NOL4: variants seen among roughly 807,000 people sequenced by gnomAD.
NOL4 encodes the protein cancer/testis antigen 125.
NOL4 carries 17 observed loss-of-function variants against 75.9 expected under a neutral mutation model. The observed-to-expected ratio is 0.22, with a 90% CI of 0.15 to 0.34. NOL4 has a LOEUF of 0.34. NOL4 is among the 10% of genes least tolerant of loss of function. The pLI, the probability that NOL4 is intolerant of heterozygous loss-of-function variation, is 1.00. For missense variants in NOL4, 614 were observed against 793.5 expected (o/e 0.77, Z 2.72); for synonymous variants, 292 against 289.9 (o/e 1.01, Z -0.07).
chr18:34,048,590 G>T, intron 5 of NOL4: 2 of 985,382 alleles, frequency 2.0e-6, no homozygotes, highest in Non-Finnish European at 2.4e-6. Flanking sequence ...CCTCTGCACA[G>T]TAAGAGCTAA....
chr18:33,992,455 C>T (rs1443100931), intron 6 of NOL4, among the ~76,000 whole-genome samples: 1 of 151,940 alleles, frequency 6.6e-6, no homozygotes, highest in Non-Finnish European at 1.5e-5. Context: ...CTCTGGAAGT[C>T]ATCCTAAGGA....
intron 1 of NOL4, among the ~76,000 whole-genome samples, chr18:34,177,416 T>C (rs1025450849): frequency 3.9e-5 from 6 of 151,954 alleles, no homozygotes; most frequent in African/African-American, 9.7e-5. Context: ...ATGAAATATG[T>C]ACAATTTATT....
intron 5 of NOL4, among the ~76,000 whole-genome samples, chr18:34,028,318 CAG>C (rs2075454259): frequency 6.6e-6 from 1 of 152,234 alleles, no homozygotes; most frequent in Non-Finnish European, 1.5e-5. Flanking sequence ...GCACCTGATT[CAG>C]AGTGTTCACT....
chr18:34,187,449 T>C (rs1335392958), intron 1 of NOL4, among the ~76,000 whole-genome samples: 3 of 134,674 alleles, frequency 2.2e-5, no homozygotes, highest in Non-Finnish European at 4.6e-5. Flanking sequence ...GCATCTCCAC[T>C]CACCGCAAGC....
intron 9 of NOL4, among the ~76,000 whole-genome samples, chr18:33,889,937 A>G (rs972279935): frequency 6.6e-6 from 1 of 152,182 alleles, no homozygotes; most frequent in East Asian, 1.9e-4. Flanking sequence ...ATCATACTGA[A>G]TGGGCAAAAA....
At chr18:34,065,967 C>T (rs1481616933) in intron 5 of NOL4, among the ~76,000 whole-genome samples, 1 of 151,846 alleles carries the variant, frequency 6.6e-6, no homozygotes, top group Admixed American at 6.6e-5. Context: ...AGTTATTATA[C>T]TTTGAGAGGT....
intron 5 of NOL4, among the ~76,000 whole-genome samples, chr18:34,032,602 A>C (rs1237010897): frequency 1.3e-5 from 2 of 152,120 alleles, no homozygotes; most frequent in Non-Finnish European, 2.9e-5. Flanking sequence ...TCACAGTCCC[A>C]CTGCCAATAT....
At chr18:34,178,504 G>T (rs2033753203) in intron 1 of NOL4, among the ~76,000 whole-genome samples, 1 of 151,578 alleles carries the variant, frequency 6.6e-6, no homozygotes, top group African/African-American at 2.4e-5. Flanking sequence ...GAAAGTAAAA[G>T]GATGAAAACA....
chr18:33,961,808 T>A (rs544033696), intron 6 of NOL4, among the ~76,000 whole-genome samples: 1 of 151,930 alleles, frequency 6.6e-6, no homozygotes, highest in Admixed American at 6.6e-5. Flanking sequence ...GCAAAAGAAA[T>A]GAAAATGTTG....
At chr18:33,854,378 T>C (rs983223793) in intron 10 of NOL4, among the ~76,000 whole-genome samples, 2 of 152,080 alleles carry the variant, frequency 1.3e-5, no homozygotes, top group Non-Finnish European at 2.9e-5. Flanking sequence ...TATTTCCACT[T>C]CTGTAGTGGC....
At chr18:34,185,894 G>T (rs995121484) in intron 1 of NOL4, among the ~76,000 whole-genome samples, 1 of 152,086 alleles carries the variant, frequency 6.6e-6, no homozygotes, top group Non-Finnish European at 1.5e-5. Context: ...GAACATACAT[G>T]CAACAGCAAT....
intron 5 of NOL4, among the ~76,000 whole-genome samples, chr18:34,052,232 A>C (rs2076652561): frequency 6.6e-6 from 1 of 151,972 alleles, no homozygotes; most frequent in African/African-American, 2.4e-5. Context: ...ATGCTCAAAA[A>C]TATTCCTTTA....
chr18:33,870,531 TG>T (rs760033657), intron 10 of NOL4, among the ~76,000 whole-genome samples: 10 of 151,760 alleles, frequency 6.6e-5, no homozygotes, highest in South Asian at 6.3e-4. Context: ...ATGGACAGAG[TG>T]GTGCATGAAG....
intron 1 of NOL4, among the ~76,000 whole-genome samples, chr18:34,139,064 C>A (rs1040516967): frequency 4.4e-4 from 67 of 152,186 alleles, no homozygotes; most frequent in Non-Finnish European, 2.1e-4. Flanking sequence ...TGATGTGCTG[C>A]TGGATTTGAA....
At chr18:33,861,414 A>G (rs2144272593) in intron 10 of NOL4, among the ~76,000 whole-genome samples, 1 of 152,098 alleles carries the variant, frequency 6.6e-6, no homozygotes, top group South Asian at 2.1e-4. Context: ...TTTCAAGTTT[A>G]TTTGTGTAGA....
chr18:33,974,826 CA>C (rs2071365761), intron 6 of NOL4, among the ~76,000 whole-genome samples: 1 of 151,948 alleles, frequency 6.6e-6, no homozygotes, highest in Non-Finnish European at 1.5e-5. Context: ...TGCCTGTATC[CA>C]AAAGAATGGA....
chr18:34,064,172 A>G (rs2077174315), intron 5 of NOL4, among the ~76,000 whole-genome samples: 1 of 152,180 alleles, frequency 6.6e-6, no homozygotes, highest in Non-Finnish European at 1.5e-5. Context: ...GGTGAGCATT[A>G]TTGAAAGATA....
intron 6 of NOL4, among the ~76,000 whole-genome samples, chr18:33,961,813 A>G (rs1222238676): frequency 6.6e-6 from 1 of 152,054 alleles, no homozygotes; most frequent in Non-Finnish European, 1.5e-5. Flanking sequence ...AGAAATGAAA[A>G]TGTTGAGTTT....
At position 34,214,190 on chromosome 18, in the gene NOL4, A is replaced by G. The variant is rs2146585551; in HGVS notation, c.264+8800T>C. ...TGTTATAAATTAGAATAAGGTATTCAAATTGGTATGTGTACACTCAGGCAG... is the reference window on the plus strand; with the variant it reads ...TGTTATAAATTAGAATAAGGTATTCGAATTGGTATGTGTACACTCAGGCAG... On this transcript the variant is annotated intron_variant, in intron 1 of 10. Transcript: ENST00000261592. 1.3e-5 allele frequency among the ~76,000 whole-genome samples: 2 copies of G among 152,244 alleles called. 1 individual carries two copies. Among genetic ancestry groups the G allele is most frequent in the South Asian group, 4.1e-4 (2 of 4,826 alleles).
Sources: gnomAD v4.1 joint callset for allele counts (sites outside exome capture counted in the v4.1 genomes callset) on GRCh38, gnomAD v4.1.1 for gene constraint, MANE v1.5 for transcripts, NCBI Gene and HGNC (gene_info 2026-07-23, HGNC 2026-07-21) for gene names.